FCHO2: variants seen among roughly 807,000 people sequenced by gnomAD.
The protein encoded by FCHO2 is FCH and mu domain containing endocytic adaptor 2.
In FCHO2, 43 loss-of-function variants were observed where a neutral mutation model predicts 114.1. The ratio of observed to expected loss-of-function variants is 0.38; its 90% CI spans 0.30 to 0.49. The LOEUF is 0.49. Among genes scored for constraint, FCHO2 ranks in the 20% least tolerant of loss-of-function variants. The pLI is 0.97. For missense variants in FCHO2, 807 were observed against 950.4 expected, an observed-to-expected ratio of 0.85 and a Z score of 1.98; for synonymous variants, 293 against 315.2, an observed-to-expected ratio of 0.93 and a Z score of 0.75.
At chr5:73,009,844 T>C (rs1754913161) in intron 6 of FCHO2, among the ~76,000 whole-genome samples, 1 of 152,208 alleles carries the variant, frequency 6.6e-6, no homozygotes, top group Non-Finnish European at 1.5e-5. Context: ...ATTCTGCCCT[T>C]TTTAAGATGG....
At chr5:72,996,754 CA>C (rs1198233531) in intron 5 of FCHO2, among the ~76,000 whole-genome samples, 2 of 152,200 alleles carry the variant, frequency 1.3e-5, no homozygotes, top group East Asian at 3.9e-4. Context: ...AAAACCTCGC[CA>C]GGGGTGACTT....
intron 8 of FCHO2, among the ~76,000 whole-genome samples, chr5:73,027,786 A>C (rs1325945223): frequency 1.3e-5 from 2 of 152,198 alleles, no homozygotes; most frequent in Non-Finnish European, 2.9e-5. Flanking sequence ...AAATATATAT[A>C]TTTATGAATG....
chr5:72,997,212 A>G (rs1442231418), intron 5 of FCHO2: 11 of 1,150,890 alleles, frequency 9.6e-6, no homozygotes, highest in Non-Finnish European at 1.4e-5. Context: ...GTAATAGACA[A>G]ACATCCTGTC....
At chr5:73,008,903 G>C (rs1705826274) in intron 6 of FCHO2, among the ~76,000 whole-genome samples, 1 of 152,074 alleles carries the variant, frequency 6.6e-6, no homozygotes. Flanking sequence ...GGAAGAAAAG[G>C]AATTCCAAAA....
intron 2 of FCHO2, among the ~76,000 whole-genome samples, chr5:72,977,708 A>T (rs936908875): frequency 6.6e-6 from 1 of 152,070 alleles, no homozygotes; most frequent in Non-Finnish European, 1.5e-5. Context: ...CTATGTTCTG[A>T]ATGGAATTGC....
At chr5:73,012,555 G>T (rs1466539811) in intron 6 of FCHO2, among the ~76,000 whole-genome samples, 1 of 150,422 alleles carries the variant, frequency 6.6e-6, no homozygotes. Context: ...TGAGGCAGAG[G>T]TTGCAGTGAG....
At chr5:73,003,984 G>A (rs1244169026) in intron 5 of FCHO2, among the ~76,000 whole-genome samples, 4 of 146,280 alleles carry the variant, frequency 2.7e-5, no homozygotes, top group Admixed American at 7.0e-5. Context: ...GGAGGCGGAG[G>A]TTGCAGTGAG....
chr5:73,026,722 A>G (rs1329281392), intron 8 of FCHO2, among the ~76,000 whole-genome samples: 1 of 151,896 alleles, frequency 6.6e-6, no homozygotes, highest in Non-Finnish European at 1.5e-5. Context: ...ACAGAGTCTC[A>G]TTCTGTTGCC....
intron 8 of FCHO2, among the ~76,000 whole-genome samples, chr5:73,028,299 C>G (rs1335981822): frequency 1.3e-5 from 2 of 152,182 alleles, no homozygotes; most frequent in Admixed American, 6.5e-5. Context: ...TGCAACCACT[C>G]TGGAAAATAC....
Position 73,077,362 on chromosome 5 carries a change from T to C in FCHO2, c.1716T>C (p.Asp572=). 1.3e-6 allele frequency: 2 copies of C among 1,583,396 alleles called. No individual in the cohort carries two copies. Among genetic ancestry groups the C allele is most frequent in the Non-Finnish European group, 8.6e-7 (1 of 1,163,068 alleles). ...PTKCIVKITG[D]MTMSFPSGII... ...GGTGTATTGTGAAGATCACTGGTGA[T>C]ATGACAATGTCATTTCCAAGTGGAA... Residue 572 remains aspartate, a synonymous_variant, in exon 21 of 26, where the codon GAT becomes GAC. Transcript: ENST00000430046.
chr5:73,072,378 A>G (rs928164416), intron 19 of FCHO2, among the ~76,000 whole-genome samples: 2 of 152,076 alleles, frequency 1.3e-5, no homozygotes, highest in Admixed American at 6.6e-5. Context: ...TGGAATTTAC[A>G]TATGATCCAG....
intron 1 of FCHO2, among the ~76,000 whole-genome samples, chr5:72,965,383 T>G (rs1056517721): frequency 6.6e-6 from 1 of 152,156 alleles, no homozygotes; most frequent in Non-Finnish European, 1.5e-5. Flanking sequence ...ATACCTTAAT[T>G]AAAAAATACT....
chr5:73,024,973 A>G (rs572129454), intron 8 of FCHO2, among the ~76,000 whole-genome samples: 2 of 152,264 alleles, frequency 1.3e-5, no homozygotes, highest in South Asian at 2.1e-4. Flanking sequence ...TTACAGCTAG[A>G]TGGTAGGAGG....
rs372713976 is a variant in FCHO2 at position 73,063,831 on chromosome 5, C to T, written c.1346-10C>T. The T allele has an allele frequency of 4.7e-5, 75 of 1,608,432 alleles. No individual in the cohort carries two copies. The highest frequency in any genetic ancestry group is 5.9e-5 in the Non-Finnish European group (70 of 1,176,782). ...GATTTTCTTCAAATTCTCTTTTCCC[C>T]CTCAACCAGCCAGGCCCACAACTCC... On this transcript the variant is annotated splice_polypyrimidine_tract_variant and intron_variant, in intron 17 of 25. Coordinates refer to ENST00000430046, the MANE Select transcript of FCHO2 (RefSeq NM_138782.3).
rs149464882 is a variant in FCHO2, at chr5:72,963,738, A to G, written c.34-4760A>G. Among the ~76,000 whole-genome samples the G allele has an allele frequency of 2.1e-3, 314 of 151,958 alleles. 3 individuals are homozygous for G. Among genetic ancestry groups the G allele is most frequent in the African/African-American group, 7.3e-3 (304 of 41,454 alleles). On this transcript the variant is annotated intron_variant, in intron 1 of 25. Transcript: ENST00000430046. ...TAATTTTTAAAAAAAATTTGTAGGG[A>G]CGAGGTCTTGCTATGTTATTTAGGC...
intron 2 of FCHO2, among the ~76,000 whole-genome samples, chr5:72,985,243 C>G (rs776596530): frequency 6.6e-6 from 1 of 152,070 alleles, no homozygotes. Flanking sequence ...TCACTGCAAC[C>G]TCCACCTCCC....
intron 5 of FCHO2, among the ~76,000 whole-genome samples, chr5:72,996,377 T>TAA (rs946874968): frequency 6.6e-6 from 1 of 152,072 alleles, no homozygotes; most frequent in South Asian, 2.1e-4. Context: ...GGATTCATGT[T>TAA]AAAAAAGAAT....
chr5:72,976,315 G>C (rs1752872790), intron 2 of FCHO2, among the ~76,000 whole-genome samples: 1 of 152,124 alleles, frequency 6.6e-6, no homozygotes, highest in Non-Finnish European at 1.5e-5. Context: ...CTGGCCTCAA[G>C]TGATCCTCCT....
intron 16 of FCHO2, among the ~76,000 whole-genome samples, chr5:73,058,008 TA>T (rs1030636723): frequency 4.6e-5 from 7 of 151,940 alleles, no homozygotes; most frequent in Admixed American, 3.3e-4. Flanking sequence ...ACTTTTAAAT[TA>T]AAAAAAATTA....
Sources: gnomAD v4.1 joint callset for allele counts (sites outside exome capture counted in the v4.1 genomes callset) on GRCh38, gnomAD v4.1.1 for gene constraint, MANE v1.5 for transcripts, NCBI Gene and HGNC (gene_info 2026-07-23, HGNC 2026-07-21) for gene names.